Variants in CEP85L observed in about 807,000 individuals in gnomAD.
CEP85L encodes centrosomal protein of 85 kDa-like.
A neutral mutation model predicts 100.3 loss-of-function variants in CEP85L; 60 were observed. That is an observed-to-expected ratio of 0.60 (90% CI 0.49 to 0.74). The LOEUF (loss-of-function observed/expected upper bound fraction) is 0.74, where lower values mean the gene tolerates loss of function less well. Ranked by LOEUF, CEP85L falls within the 30% of genes least tolerant of loss-of-function variation. CEP85L has a pLI of 0.00. For missense variants in CEP85L, 973 were observed against 936.2 expected (o/e 1.04, Z -0.51); for synonymous variants, 319 against 322.7 (o/e 0.99, Z 0.12).
chr6:118,589,484 C>T (rs1033588608), intron 2 of CEP85L: 1 of 257,628 alleles, frequency 3.9e-6, no homozygotes, highest in Non-Finnish European at 8.4e-6. Context: ...TGGGAAACAG[C>T]TGTGTCCCCT....
chr6:118,565,594 T>C lies in CEP85L; in HGVS notation c.955A>G (p.Ser319Gly), dbSNP rs1177860955. 2.5e-6 allele frequency: 4 copies of C among 1,614,076 alleles called. No homozygotes were observed. The highest frequency in any genetic ancestry group is 1.7e-5 in the Admixed American group (1 of 60,008). Residue 319 changes from serine (S) to glycine (G), a missense_variant, in exon 3 of 13, where the codon AGT (serine) becomes GGT (glycine). Physicochemically the swap from Ser to Gly is moderately conservative, Grantham distance 56 (BLOSUM62 0). Around this residue, in one of 3 missense-constraint regions of CEP85L, gnomAD observed 890 missense variants for 844.5 expected, o/e 1.05. Coordinates refer to ENST00000368491, the MANE Select transcript of CEP85L (RefSeq NM_001042475.3). ...LEGRNTEDSY[S>G]LAPWQQQQIE... Reference sequence around the variant, plus strand: ...TGCTGCTGTTGCCAAGGAGCTAAACTGTAAGAATCCTCTGTATTTCTACCT... The same window carrying C: ...TGCTGCTGTTGCCAAGGAGCTAAACCGTAAGAATCCTCTGTATTTCTACCT...
At chr6:118,540,060 T>C (rs1777821972) in intron 3 of CEP85L, among the ~76,000 whole-genome samples, 1 of 151,986 alleles carries the variant, frequency 6.6e-6, no homozygotes, top group East Asian at 1.9e-4. Flanking sequence ...GTCTTTTTTT[T>C]TTTTTTTAAA....
At chr6:118,600,196 T>C (rs1417776292) in intron 2 of CEP85L, among the ~76,000 whole-genome samples, 1 of 151,664 alleles carries the variant, frequency 6.6e-6, no homozygotes, top group African/African-American at 2.4e-5. Context: ...CCCTCCGTTC[T>C]TGACTTGCCT....
chr6:118,509,267 A>C (rs1010119370), intron 5 of CEP85L, among the ~76,000 whole-genome samples: 2 of 152,106 alleles, frequency 1.3e-5, no homozygotes, highest in African/African-American at 4.8e-5. Flanking sequence ...GCTTTCGATA[A>C]TATGATAATT....
At chr6:118,628,848 T>C (rs1773969330) in intron 2 of CEP85L, among the ~76,000 whole-genome samples, 3 of 152,280 alleles carry the variant, frequency 2.0e-5, no homozygotes, top group Admixed American at 2.0e-4. Flanking sequence ...ATTTTTTAGA[T>C]AAAACGGCAC....
rs560169424 is a variant in CEP85L at position 118,676,537 on chromosome 6, C to T, written c.-27-23729G>A. On this transcript the variant is annotated intron_variant, in intron 1 of 13. Coordinates refer to the CEP85L transcript ENST00000368488. ...GACAGAATTTCCTTCTTTCTTAAGG[C>T]TGTATGGTATTCCATCATGCTTATA... 3.3e-5 allele frequency among the ~76,000 whole-genome samples: 5 copies of T among 152,312 alleles called. 1 individual carries two copies. Among genetic ancestry groups the T allele is most frequent in the African/African-American group, 1.2e-4 (5 of 41,570 alleles).
chr6:118,533,764 C>T (rs527829826), intron 3 of CEP85L, among the ~76,000 whole-genome samples: 5 of 152,142 alleles, frequency 3.3e-5, no homozygotes, highest in South Asian at 2.1e-4. Flanking sequence ...GTTTGGCATA[C>T]GGTTTTCCCA....
At chr6:118,468,177 A>C (rs979117770) in intron 12 of CEP85L, among the ~76,000 whole-genome samples, 2 of 152,218 alleles carry the variant, frequency 1.3e-5, no homozygotes, top group Admixed American at 6.5e-5. Context: ...TTCATTTAAC[A>C]AGTGATATAC....
At chr6:118,510,390 C>G (rs763669238) in intron 5 of CEP85L, among the ~76,000 whole-genome samples, 16 of 150,920 alleles carry the variant, frequency 1.1e-4, no homozygotes, top group Admixed American at 2.6e-4. Flanking sequence ...TAAGCAAAAA[C>G]CTACAACCTA....
At chr6:118,704,719 C>T (rs1485368945) in intron 1 of CEP85L, among the ~76,000 whole-genome samples, 3 of 152,140 alleles carry the variant, frequency 2.0e-5, no homozygotes, top group Non-Finnish European at 2.9e-5. Context: ...GATCCTCCTG[C>T]CTCGGCCTCC....
chr6:118,504,324 G>A (rs538843986), intron 5 of CEP85L, among the ~76,000 whole-genome samples: 29 of 151,348 alleles, frequency 1.9e-4, no homozygotes, highest in South Asian at 4.2e-4. Context: ...GCAGTGAGCC[G>A]AAACCGCATC....
chr6:118,502,232 C>T (rs1775350518), intron 5 of CEP85L: 5 of 629,318 alleles, frequency 7.9e-6, no homozygotes, highest in Admixed American at 5.3e-5. Context: ...TCTTATGTAC[C>T]GCATTATGAC....
intron 3 of CEP85L, among the ~76,000 whole-genome samples, chr6:118,558,162 G>C (rs1778988371): frequency 6.6e-6 from 1 of 152,124 alleles, no homozygotes; most frequent in Non-Finnish European, 1.5e-5. Flanking sequence ...TGTTGGCCAG[G>C]CTGGTCTCAA....
At chr6:118,684,231 C>A (rs1776758342) in intron 1 of CEP85L, among the ~76,000 whole-genome samples, 1 of 152,210 alleles carries the variant, frequency 6.6e-6, no homozygotes, top group Non-Finnish European at 1.5e-5. Flanking sequence ...CCTACGTTTA[C>A]ATGGCATCTT....
chr6:118,482,041 A>C (rs1582880343), intron 7 of CEP85L, 108 bp from the exon 8 acceptor site: 2 of 601,928 alleles, frequency 3.3e-6, no homozygotes, highest in Middle Eastern at 4.0e-4. Flanking sequence ...CTAAAAAAAA[A>C]AAAAAAAAAG....
chr6:118,506,807 C>A (rs1775686297), intron 5 of CEP85L, among the ~76,000 whole-genome samples: 1 of 152,134 alleles, frequency 6.6e-6, no homozygotes, highest in African/African-American at 2.4e-5. Context: ...CATTTAGTAA[C>A]ATCTTTTCAA....
At chr6:118,648,596 C>G (rs1398369776) in intron 1 of CEP85L, among the ~76,000 whole-genome samples, 11 of 151,870 alleles carry the variant, frequency 7.2e-5, no homozygotes, top group African/African-American at 2.4e-4. Flanking sequence ...AAAAAAATAA[C>G]CCGGGTGTGG....
At chr6:118,641,319 C>T (rs2115351598) in intron 1 of CEP85L, among the ~76,000 whole-genome samples, 1 of 152,292 alleles carries the variant, frequency 6.6e-6, no homozygotes, top group African/African-American at 2.4e-5. Flanking sequence ...CATAAGCTTT[C>T]TATCTCTATG....
At chr6:118,640,152 G>T (rs189956329) in intron 1 of CEP85L, among the ~76,000 whole-genome samples, 27 of 152,206 alleles carry the variant, frequency 1.8e-4, no homozygotes, top group Non-Finnish European at 3.4e-4. Flanking sequence ...ATTAACAGTA[G>T]CCAAACAGAA....
Sources: allele counts gnomAD v4.1 joint callset (sites outside exome capture counted in the v4.1 genomes callset), GRCh38; gene constraint gnomAD v4.1.1; regional missense constraint gnomAD v4.1.1; transcripts MANE v1.5; gene names NCBI Gene and HGNC (gene_info 2026-07-23, HGNC 2026-07-21).